Variants in LMX1B observed in about 807,000 individuals in gnomAD.
LMX1B encodes LIM homeobox transcription factor 1 beta.
LMX1B carries 12 observed loss-of-function variants against 51.4 expected under a neutral mutation model. The ratio of observed to expected loss-of-function variants is 0.23; its 90% CI spans 0.15 to 0.38. The LOEUF (loss-of-function observed/expected upper bound fraction) is 0.38, where lower values mean the gene tolerates loss of function less well. Ranked by LOEUF, LMX1B falls within the 10% of genes least tolerant of loss-of-function variation. LMX1B has a pLI of 1.00. For synonymous variants in LMX1B, 237 were observed against 235.4 expected (o/e 1.01, Z -0.06); for missense variants, 445 against 571.1 (o/e 0.78, Z 2.25).
At position 126,658,580 on chromosome 9, in the gene LMX1B, A is replaced by G. The variant is rs1164830784; in HGVS notation, c.327-32256A>G. 6.6e-6 allele frequency among the ~76,000 whole-genome samples: 1 copy of G among 152,188 alleles called. No homozygotes were observed. The highest frequency in any genetic ancestry group is 2.4e-5 in the African/African-American group (1 of 41,452). ...AAGGTGGCCTCGCCCCTCATCCATC[A>G]TGCCTCTAAGTAACCAATTTAAAGG... On this transcript the variant is annotated intron_variant, in intron 2 of 7. Transcript: ENST00000373474. The surrounding 1 kb of genome is among the most constrained non-coding windows in gnomAD (Gnocchi z 4.0).
chr9:126,614,482 G>T lies in LMX1B; in HGVS notation c.33G>T (p.Glu11Asp). MDIATGPESL[E>D]RCFPRGQTDC... ...TAGCAACAGGTCCCGAGTCGCTGGA[G>T]AGGTGCTTCCCTCGCGGGCAGACGG... The change falls in exon 1 of 8, where the codon GAG (glutamate) becomes GAT (aspartate). Residue 11 changes from glutamate (E) to aspartate (D), a missense_variant. Physicochemically the swap from Glu to Asp is conservative, Grantham distance 45. This residue lies in a region of LMX1B where 273 missense variants were observed against 343.3 expected (regional missense o/e 0.80). Coordinates refer to ENST00000373474, the MANE Select transcript of LMX1B (RefSeq NM_001174147.2). 1 of 1,598,308 alleles carries T rather than the reference G, an allele frequency of 6.3e-7. No homozygotes were observed. Among genetic ancestry groups the T allele is most frequent in the South Asian group, 1.1e-5 (1 of 88,698 alleles).
chr9:126,653,142 CTTTTTTTTTTT>C (rs5900715), intron 2 of LMX1B, among the ~76,000 whole-genome samples: 2 of 55,362 alleles, frequency 3.6e-5, no homozygotes, highest in African/African-American at 7.2e-5. Context: ...CAAGTAGATG[CTTTTTTTTTTT>C]TTTTTTTTTT....
intron 2 of LMX1B, among the ~76,000 whole-genome samples, chr9:126,661,343 T>C (rs1836242538): frequency 6.6e-6 from 1 of 151,432 alleles, no homozygotes; most frequent in Non-Finnish European, 1.5e-5. Context: ...CCTGTTGGCT[T>C]CTCTCCAGGA....
Position 126,671,870 on chromosome 9 carries a change from C to T in LMX1B, c.327-18966C>T, listed in dbSNP as rs1203321212. Among the ~76,000 whole-genome samples the T allele has an allele frequency of 4.6e-5, 7 of 152,368 alleles. No individual in the cohort carries two copies. The highest frequency in any genetic ancestry group is 1.4e-4 in the African/African-American group (6 of 41,594). Reference sequence around the variant, plus strand: ...CTTGGCCAGGCCTCCACTCCCCTCCCTCCAGAGGGGCAGAGAGGGAATAGA... The same window carrying T: ...CTTGGCCAGGCCTCCACTCCCCTCCTTCCAGAGGGGCAGAGAGGGAATAGA... On this transcript the variant is annotated intron_variant, in intron 2 of 7. Coordinates refer to ENST00000373474, the MANE Select transcript of LMX1B (RefSeq NM_001174147.2). This position sits in a 1 kb window ranked among gnomAD's most constrained non-coding sequence, Gnocchi z 4.4.
chr9:126,695,825 C>T lies in LMX1B; in HGVS notation c.887-14C>T. 1 of 1,612,086 alleles carries T rather than the reference C, an allele frequency of 6.2e-7. No homozygotes were observed. Reference sequence around the variant, plus strand: ...TGGACCAGGCCAGGGGGTGAAGGCTCACTGTGCCCCCAGAGGTCCTGTCCA... The same window carrying T: ...TGGACCAGGCCAGGGGGTGAAGGCTTACTGTGCCCCCAGAGGTCCTGTCCA... On this transcript the variant is annotated splice_polypyrimidine_tract_variant and intron_variant, in intron 6 of 7. Coordinates refer to ENST00000373474, the MANE Select transcript of LMX1B (RefSeq NM_001174147.2). This position sits in a 1 kb window ranked among gnomAD's most constrained non-coding sequence, Gnocchi z 5.2.
intron 2 of LMX1B, among the ~76,000 whole-genome samples, chr9:126,616,589 C>A (rs971443057): frequency 6.6e-6 from 1 of 152,202 alleles, no homozygotes; most frequent in Non-Finnish European, 1.5e-5. Context: ...GCCAGAAAAC[C>A]GTCCTGGATG....
chr9:126,643,525 T>C (rs982629316), intron 2 of LMX1B, among the ~76,000 whole-genome samples: 3 of 152,196 alleles, frequency 2.0e-5, no homozygotes, highest in Non-Finnish European at 2.9e-5. Context: ...TGACAAGATT[T>C]AGTGATATCC....
chr9:126,615,461 A>G lies in LMX1B; in HGVS notation c.218A>G (p.Glu73Gly). 6.2e-7 allele frequency: 1 copy of G among 1,609,670 alleles called. No individual in the cohort carries two copies. The highest frequency in any genetic ancestry group is 8.5e-7 in the Non-Finnish European group (1 of 1,178,070). Residue 73 changes from glutamate to glycine, a missense_variant, in exon 2 of 8, where the codon GAG (glutamate) becomes GGG (glycine). Coordinates refer to ENST00000373474, the MANE Select transcript of LMX1B (RefSeq NM_001174147.2). The surrounding 1 kb of genome is among the most constrained non-coding windows in gnomAD (Gnocchi z 6.0). ...GACCGCTTCCTGATGCGAGTCAACG[A>G]GTCGTCCTGGCACGAGGAGTGTTTG... ...ISDRFLMRVNESSWHEECLQC... is the reference protein window; with the variant it reads ...ISDRFLMRVNGSSWHEECLQC...
intron 2 of LMX1B, among the ~76,000 whole-genome samples, chr9:126,675,594 A>T (rs1318213458): frequency 3.3e-5 from 5 of 151,340 alleles, no homozygotes; most frequent in Admixed American, 2.6e-4. Context: ...GCGTAGTGGC[A>T]CACGCCTGTA....
At chr9:126,682,866 G>A (rs1836700538) in intron 2 of LMX1B, among the ~76,000 whole-genome samples, 1 of 144,214 alleles carries the variant, frequency 6.9e-6, no homozygotes. Flanking sequence ...CTGCACTCCA[G>A]CCTGGGTGAC....
At position 126,693,550 on chromosome 9, in the gene LMX1B, G is replaced by C; in HGVS notation, c.768G>C (p.Thr256=). The C allele has an allele frequency of 2.5e-6, 4 of 1,614,108 alleles. No homozygotes were observed. In the South Asian group the frequency reaches 3.3e-5, roughly 13 times the overall value. The change falls in exon 5 of 8, where the codon ACG becomes ACC. Residue 256 remains threonine, a synonymous_variant. Transcript: ENST00000373474. The part of the protein sequence containing the change: ...RKVRETLAAE[T]GLSVRVVQVW... Reference sequence around the variant, plus strand: ...TCCGAGAGACACTGGCAGCTGAGACGGGCCTCAGTGTGCGCGTGGTCCAGG... The same window carrying C: ...TCCGAGAGACACTGGCAGCTGAGACCGGCCTCAGTGTGCGCGTGGTCCAGG...
At chr9:126,678,034 G>A (rs947277996) in intron 2 of LMX1B, among the ~76,000 whole-genome samples, 1 of 152,160 alleles carries the variant, frequency 6.6e-6, no homozygotes, top group African/African-American at 2.4e-5. Context: ...GAAACTGCTG[G>A]GCATGGTGGC....
chr9:126,695,182 G>T lies in LMX1B; in HGVS notation c.887-657G>T, dbSNP rs1393179193. 6.6e-6 allele frequency among the ~76,000 whole-genome samples: 1 copy of T among 151,998 alleles called. No individual in the cohort carries two copies. The highest frequency in any genetic ancestry group is 2.1e-4 in the South Asian group (1 of 4,810). On this transcript the variant is annotated intron_variant, in intron 6 of 7. Transcript: ENST00000373474. This position sits in a 1 kb window ranked among gnomAD's most constrained non-coding sequence, Gnocchi z 5.2. ...TCCTCACCCACTGGCCCCAGCCTCG[G>T]TCTCCTCCTCCAGCCTTTCTCACCC...
intron 2 of LMX1B, among the ~76,000 whole-genome samples, chr9:126,683,596 G>A (rs1458316240): frequency 6.6e-6 from 1 of 152,074 alleles, no homozygotes; most frequent in Non-Finnish European, 1.5e-5. Context: ...GGCATCATCA[G>A]AGCCCCGTCC....
rs1365158660 is a variant in LMX1B, at chr9:126,671,218, G to T, written c.327-19618G>T. 6.6e-6 allele frequency among the ~76,000 whole-genome samples: 1 copy of T among 152,206 alleles called. No homozygotes were observed. Among genetic ancestry groups the T allele is most frequent in the African/African-American group, 2.4e-5 (1 of 41,448 alleles). The stretch of plus-strand genomic sequence containing the variant: ...CTTCGCCACCGCCGAGCTCTGAGCT[G>T]GGGGGAGGGGACCCCGCTCGGAAAT... On this transcript the variant is annotated intron_variant, in intron 2 of 7. Transcript: ENST00000373474. This position sits in a 1 kb window ranked among gnomAD's most constrained non-coding sequence, Gnocchi z 4.4.
At chr9:126,632,968 G>A (rs914369134) in intron 2 of LMX1B, among the ~76,000 whole-genome samples, 79 of 152,330 alleles carry the variant, frequency 5.2e-4, no homozygotes, top group African/African-American at 1.8e-3. Flanking sequence ...CCCCGCAGGC[G>A]AGCCCCCAGC....
chr9:126,630,426 A>C (rs1835612405), intron 2 of LMX1B, among the ~76,000 whole-genome samples: 1 of 152,066 alleles, frequency 6.6e-6, no homozygotes, highest in Non-Finnish European at 1.5e-5. Context: ...GGCAGGGCAC[A>C]TTTCATCACT....
chr9:126,687,265 G>C (rs2029933056), intron 2 of LMX1B, among the ~76,000 whole-genome samples: 1 of 150,244 alleles, frequency 6.7e-6, no homozygotes, highest in South Asian at 2.1e-4. Context: ...GTCTCTCTCT[G>C]TCGCCCAGGC....
chr9:126,631,285 A>C (rs889193842), intron 2 of LMX1B, among the ~76,000 whole-genome samples: 1 of 152,256 alleles, frequency 6.6e-6, no homozygotes, highest in African/African-American at 2.4e-5. Flanking sequence ...TTAAAATAAC[A>C]GTAATGATAG....
Sources: gnomAD v4.1 joint callset for allele counts (sites outside exome capture counted in the v4.1 genomes callset) on GRCh38, gnomAD v4.1.1 for gene constraint, gnomAD v4.1.1 regional missense constraint, Gnocchi (gnomAD v3.1) non-coding constraint, MANE v1.5 for transcripts, NCBI Gene and HGNC (gene_info 2026-07-23, HGNC 2026-07-21) for gene names.